Variants in ABCD3 observed in about 807,000 individuals in gnomAD.
ABCD3 encodes ATP-binding cassette sub-family D member 3.
Under a neutral mutation model 105.5 loss-of-function variants are expected in ABCD3, and 41 were observed. The ratio of observed to expected loss-of-function variants is 0.39; its 90% CI spans 0.30 to 0.50. ABCD3 has a LOEUF of 0.50. ABCD3 is among the 20% of genes least tolerant of loss of function. The pLI, the probability that ABCD3 is intolerant of heterozygous loss-of-function variation, is 0.84. For missense variants in ABCD3, 622 were observed against 806.3 expected (o/e 0.77, Z 2.77); for synonymous variants, 258 against 269.0 (o/e 0.96, Z 0.40).
intron 1 of ABCD3, among the ~76,000 whole-genome samples, chr1:94,432,162 G>T (rs976756034): frequency 1.3e-5 from 2 of 152,160 alleles, no homozygotes; most frequent in Non-Finnish European, 2.9e-5. Flanking sequence ...TATGTCAATA[G>T]GCTAGGCTTT....
intron 1 of ABCD3, among the ~76,000 whole-genome samples, chr1:94,441,122 A>T (rs1037246852): frequency 1.3e-5 from 2 of 152,162 alleles, no homozygotes; most frequent in African/African-American, 4.8e-5. Context: ...GATACATTTG[A>T]CTATATAAAA....
intron 1 of ABCD3, among the ~76,000 whole-genome samples, chr1:94,446,636 G>A (rs1660355445): frequency 6.6e-6 from 1 of 152,146 alleles, no homozygotes; most frequent in African/African-American, 2.4e-5. Flanking sequence ...TCAAATTACT[G>A]ATAAATGTCC....
Position 94,480,545 on chromosome 1 carries a change from A to G in ABCD3, c.766A>G (p.Ile256Val), listed in dbSNP as rs755543395. Residue 256 changes from isoleucine to valine, a missense_variant, in exon 9 of 23, where the codon ATA (isoleucine) becomes GTA (valine). Around this residue, in one of 4 missense-constraint regions of ABCD3, gnomAD observed 245 missense variants for 356.4 expected, o/e 0.69. Transcript: ENST00000370214. ...TCGAAGACCCATTGGTAAGATGACA[A>G]TAACTGAGCAAAAGTATGAAGGAGA... is the stretch of plus-strand genomic sequence containing the variant. ...RLRRPIGKMT[I>V]TEQKYEGEYR... 6 of 1,613,780 alleles carry G rather than the reference A, an allele frequency of 3.7e-6. No homozygotes were observed. The highest frequency in any genetic ancestry group is 1.3e-5 in the African/African-American group (1 of 74,904).
the ABCD3 span, among the ~76,000 whole-genome samples, chr1:94,395,126 C>T: frequency 6.6e-6 from 1 of 152,188 alleles, no homozygotes; most frequent in African/African-American, 2.4e-5. Context: ...TGCTTTTCTT[C>T]TGCATTCCAT....
At chr1:94,491,138 C>G (rs1381309138) in intron 15 of ABCD3, 46 bp from the exon 16 acceptor site, 7 of 1,362,874 alleles carry the variant, frequency 5.1e-6, no homozygotes, top group Non-Finnish European at 6.3e-6. Context: ...GTATTAGTTC[C>G]TTATATACTT....
upstream of ABCD3, among the ~76,000 whole-genome samples, chr1:94,415,854 C>CT (rs975747611): frequency 7.2e-5 from 11 of 151,960 alleles, no homozygotes; most frequent in East Asian, 1.9e-4. Flanking sequence ...TTATTTCTTC[C>CT]TTTTTTTTGA....
At chr1:94,450,069 A>T (rs966131488) in intron 1 of ABCD3, among the ~76,000 whole-genome samples, 4 of 152,250 alleles carry the variant, frequency 2.6e-5, no homozygotes, top group African/African-American at 7.2e-5. Context: ...ACCTGACCTT[A>T]ATGCCAGGAA....
At chr1:94,498,111 T>C (rs1649905285) in intron 16 of ABCD3, among the ~76,000 whole-genome samples, 1 of 152,262 alleles carries the variant, frequency 6.6e-6, no homozygotes, top group Admixed American at 6.5e-5. Flanking sequence ...TGGGGTCTTG[T>C]TCTGTCAGCC....
intron 9 of ABCD3, 176 bp from the exon 10 acceptor site, chr1:94,482,994 A>G (rs755672186): frequency 4.9e-6 from 3 of 610,940 alleles, no homozygotes; most frequent in South Asian, 3.9e-5. Flanking sequence ...TGCTCCGATC[A>G]GCTGAGCTAG....
intron 1 of ABCD3, among the ~76,000 whole-genome samples, chr1:94,425,258 T>C (rs1659420481): frequency 6.6e-6 from 1 of 152,238 alleles, no homozygotes; most frequent in African/African-American, 2.4e-5. Flanking sequence ...TGTTTTATTT[T>C]TGTTTCCTTT....
intron 1 of ABCD3, among the ~76,000 whole-genome samples, chr1:94,449,666 C>T (rs1400027265): frequency 1.3e-5 from 2 of 152,194 alleles, no homozygotes; most frequent in African/African-American, 4.8e-5. Context: ...GATTGCATTG[C>T]AGAACAGGCA....
intron 3 of ABCD3, among the ~76,000 whole-genome samples, chr1:94,466,910 C>T (rs539527824): frequency 6.6e-6 from 1 of 152,292 alleles, no homozygotes; most frequent in South Asian, 2.1e-4. Context: ...CTTACTTTAA[C>T]TTCTATGTCA....
chr1:94,447,111 A>G lies in ABCD3; in HGVS notation c.111-11496A>G, dbSNP rs189553787. ...TGATGGCAGCCATTGTTCAGCCTCT[A>G]GAACCTATACCTTTAAAATGGTTAA... On this transcript the variant is annotated intron_variant, in intron 1 of 22. Transcript: ENST00000370214. 2.4e-4 allele frequency among the ~76,000 whole-genome samples: 36 copies of G among 152,364 alleles called. No individual in the cohort carries two copies. The East Asian group carries it at 6.6e-3, about 28-fold the overall frequency.
intron 1 of ABCD3, 32 bp downstream of exon 1, chr1:94,418,620 G>A: frequency 6.4e-7 from 1 of 1,555,096 alleles, no homozygotes; most frequent in African/African-American, 1.4e-5. Flanking sequence ...CAGCTTTCCC[G>A]GGCTGGAGCG....
intron 1 of ABCD3, among the ~76,000 whole-genome samples, chr1:94,438,961 C>A (rs1029864154): frequency 6.6e-6 from 1 of 152,158 alleles, no homozygotes; most frequent in South Asian, 2.1e-4. Flanking sequence ...GCTATGTATT[C>A]TTTCCCTTTT....
chr1:94,447,734 A>G (rs976652405), intron 1 of ABCD3, among the ~76,000 whole-genome samples: 1 of 152,228 alleles, frequency 6.6e-6, no homozygotes. Flanking sequence ...GTTTAATTAT[A>G]GCTCCTGACA....
intron 1 of ABCD3, among the ~76,000 whole-genome samples, chr1:94,440,276 C>T (rs1660083367): frequency 6.6e-6 from 1 of 152,106 alleles, no homozygotes; most frequent in South Asian, 2.1e-4. Context: ...GATAACTTTT[C>T]TAATTTATGC....
At position 94,428,066 on chromosome 1, in the gene ABCD3, G is replaced by A. The variant is rs1337361860; in HGVS notation, c.110+9478G>A. On this transcript the variant is annotated intron_variant, in intron 1 of 22. Coordinates refer to ENST00000370214, the MANE Select transcript of ABCD3 (RefSeq NM_002858.4). ...TAGGTAAAATAGGAGTATGCTAAAA[G>A]GTGTTTTGTTTTTTTTTTTATTTTT... Among the ~76,000 whole-genome samples the A allele has an allele frequency of 8.0e-5, 12 of 149,180 alleles. No individual in the cohort carries two copies. In the East Asian group the frequency reaches 2.5e-3, roughly 31 times the overall value.
chr1:94,419,078 G>C (rs1274320817), intron 1 of ABCD3: 2 of 164,420 alleles, frequency 1.2e-5, no homozygotes, highest in African/African-American at 4.8e-5. Context: ...ACTTGGACGA[G>C]GTTTGGCTCG....
Sources: allele counts gnomAD v4.1 joint callset (sites outside exome capture counted in the v4.1 genomes callset), GRCh38; gene constraint gnomAD v4.1.1; regional missense constraint gnomAD v4.1.1; transcripts MANE v1.5; gene names NCBI Gene and HGNC (gene_info 2026-07-23, HGNC 2026-07-21).